Variants in STAG1 observed in about 807,000 individuals in gnomAD.
STAG1 encodes cohesin subunit SA-1.
STAG1 carries 26 observed loss-of-function variants against 170.9 expected under a neutral mutation model. The observed-to-expected ratio is 0.15, with a 90% CI of 0.11 to 0.21. The LOEUF (loss-of-function observed/expected upper bound fraction) is 0.21. STAG1 is among the 10% of genes least tolerant of loss of function. The probability of loss-of-function intolerance (pLI) is 1.00; values close to 1 mark genes in which losing one functional copy is unlikely to be tolerated. For synonymous variants in STAG1, 514 were observed against 497.7 expected (o/e 1.03, Z -0.44); for missense variants, 964 against 1,509.5 (o/e 0.64, Z 5.99).
At chr3:136,363,322 A>G in intron 26 of STAG1, 44 bp downstream of exon 26, 1 of 1,019,304 alleles carries the variant, frequency 9.8e-7, no homozygotes, top group East Asian at 2.4e-5. Flanking sequence ...GAAGTGCAAT[A>G]ATGTTATTTC....
At chr3:136,548,849 T>A (rs991305437) in intron 5 of STAG1, among the ~76,000 whole-genome samples, 2 of 152,134 alleles carry the variant, frequency 1.3e-5, no homozygotes, top group African/African-American at 4.8e-5. Context: ...ATTTCCCTTT[T>A]GGTGTTGTTT....
chr3:136,589,491 G>A (rs370707995), intron 4 of STAG1, among the ~76,000 whole-genome samples: 8 of 151,946 alleles, frequency 5.3e-5, no homozygotes, highest in South Asian at 2.1e-4. Context: ...GTGACAGAGC[G>A]AGACTCTGTC....
At chr3:136,382,676 G>A (rs1343453800) in intron 22 of STAG1, among the ~76,000 whole-genome samples, 2 of 152,086 alleles carry the variant, frequency 1.3e-5, no homozygotes, top group Non-Finnish European at 2.9e-5. Context: ...CTCCCAAAGT[G>A]CTGGGATTAG....
intron 3 of STAG1, among the ~76,000 whole-genome samples, chr3:136,613,574 C>T (rs1376745053): frequency 6.6e-6 from 1 of 152,092 alleles, no homozygotes; most frequent in Non-Finnish European, 1.5e-5. Context: ...GCAACCTCTG[C>T]CTCCCAGGTT....
At chr3:136,344,988 G>A (rs1279170670) in intron 29 of STAG1, among the ~76,000 whole-genome samples, 3 of 152,080 alleles carry the variant, frequency 2.0e-5, no homozygotes, top group Non-Finnish European at 4.4e-5. Context: ...TACTGCATTA[G>A]CAGGTTACGT....
intron 1 of STAG1, among the ~76,000 whole-genome samples, chr3:136,745,307 T>A (rs1476213510): frequency 2.0e-5 from 3 of 152,006 alleles, no homozygotes; most frequent in Admixed American, 1.3e-4. Flanking sequence ...ACTCACAAAA[T>A]TAAAAATAAA....
intron 5 of STAG1, among the ~76,000 whole-genome samples, chr3:136,551,960 A>T (rs1454288574): frequency 2.6e-5 from 4 of 152,166 alleles, no homozygotes; most frequent in Non-Finnish European, 5.9e-5. Flanking sequence ...AAAAATATTA[A>T]GGCAAAATAC....
chr3:136,645,846 C>G (rs956439789), intron 1 of STAG1, among the ~76,000 whole-genome samples: 2 of 152,224 alleles, frequency 1.3e-5, no homozygotes, highest in African/African-American at 4.8e-5. Flanking sequence ...TGACCACCTA[C>G]CACTGCTCCT....
chr3:136,532,138 T>G (rs1935405780), intron 6 of STAG1, among the ~76,000 whole-genome samples: 1 of 151,738 alleles, frequency 6.6e-6, no homozygotes, highest in Non-Finnish European at 1.5e-5. Flanking sequence ...TAAAAAAAAT[T>G]AGAAATGAAA....
intron 1 of STAG1, among the ~76,000 whole-genome samples, chr3:136,739,682 G>C (rs2107949462): frequency 6.6e-6 from 1 of 151,918 alleles, no homozygotes; most frequent in Admixed American, 6.6e-5. Flanking sequence ...AAATTAGCCA[G>C]ATGTGGTGGC....
chr3:136,621,107 T>C (rs116387571), intron 3 of STAG1, among the ~76,000 whole-genome samples: 10,524 of 151,778 alleles, frequency 0.069, 621 homozygotes, highest in Admixed American at 0.12. Context: ...CACTCCAGCC[T>C]GGGCGACAGA....
chr3:136,750,356 C>T (rs1935167197), intron 1 of STAG1, among the ~76,000 whole-genome samples: 1 of 152,124 alleles, frequency 6.6e-6, no homozygotes, highest in Non-Finnish European at 1.5e-5. Flanking sequence ...AAAGGTAACA[C>T]CCTGAACACC....
chr3:136,403,264 G>GA (rs1285780395), intron 21 of STAG1, among the ~76,000 whole-genome samples: 11 of 89,790 alleles, frequency 1.2e-4, no homozygotes, highest in East Asian at 9.0e-4. Context: ...GAAAAGAAAA[G>GA]AAAAAAAAAA....
chr3:136,360,842 G>A (rs1164825932), intron 26 of STAG1, among the ~76,000 whole-genome samples: 1 of 151,968 alleles, frequency 6.6e-6, no homozygotes, highest in Non-Finnish European at 1.5e-5. Context: ...CTAATTTTTT[G>A]TATTTTTAGT....
intron 14 of STAG1, among the ~76,000 whole-genome samples, chr3:136,447,317 A>G (rs995032559): frequency 6.2e-4 from 94 of 151,744 alleles, no homozygotes; most frequent in African/African-American, 2.0e-3. Flanking sequence ...TAAAAATACA[A>G]AAATTGCTGG....
At chr3:136,751,282 C>T (rs1935220831) in intron 1 of STAG1, among the ~76,000 whole-genome samples, 1 of 150,770 alleles carries the variant, frequency 6.6e-6, no homozygotes, top group Non-Finnish European at 1.5e-5. Flanking sequence ...GATAACATTT[C>T]AAATGTGGGT....
chr3:136,368,708 CTG>C (rs1434562152), intron 24 of STAG1, among the ~76,000 whole-genome samples: 1 of 152,104 alleles, frequency 6.6e-6, no homozygotes, highest in African/African-American at 2.4e-5. Context: ...TGCTGTGTAG[CTG>C]TTAGAGAAAG....
intron 3 of STAG1, among the ~76,000 whole-genome samples, chr3:136,613,029 G>A (rs773862240): frequency 2.6e-5 from 4 of 152,010 alleles, no homozygotes; most frequent in Admixed American, 6.6e-5. Context: ...TGGGCCGGGC[G>A]CAGTGGCTCA....
intron 1 of STAG1, among the ~76,000 whole-genome samples, chr3:136,724,010 C>A (rs1322570078): frequency 3.3e-5 from 5 of 150,800 alleles, no homozygotes. Context: ...AGCCAGCCGC[C>A]CCGTCCGGGA....
Sources: gnomAD v4.1 joint callset for allele counts (sites outside exome capture counted in the v4.1 genomes callset) on GRCh38, gnomAD v4.1.1 for gene constraint, MANE v1.5 for transcripts, NCBI Gene and HGNC (gene_info 2026-07-23, HGNC 2026-07-21) for gene names.